C10orf67: variants seen among roughly 807,000 people sequenced by gnomAD.
C10orf67 encodes the protein uncharacterized protein C10orf67, mitochondrial.
Under a neutral mutation model 35.6 loss-of-function variants are expected in C10orf67, and 60 were observed. The observed-to-expected ratio is 1.68, with a 90% CI of 1.37 to 2.09. The LOEUF is 2.09. Among genes scored for constraint, C10orf67 ranks in the 30% most tolerant of loss-of-function variants. The pLI, the probability that C10orf67 is intolerant of heterozygous loss-of-function variation, is 0.00. For missense variants in C10orf67, 474 were observed against 330.2 expected, an observed-to-expected ratio of 1.44 and a Z score of -3.38; for synonymous variants, 167 against 115.8, an observed-to-expected ratio of 1.44 and a Z score of -2.84.
intron 15 of C10orf67, among the ~76,000 whole-genome samples, chr10:23,213,440 A>G (rs1208203504): frequency 6.6e-6 from 1 of 152,220 alleles, no homozygotes; most frequent in East Asian, 1.9e-4. Flanking sequence ...ACTACAAATT[A>G]TTGGAAAATT....
intron 4 of C10orf67, among the ~76,000 whole-genome samples, chr10:23,314,483 AACACACACAC>A (rs56043614): frequency 3.0e-3 from 412 of 135,834 alleles, no homozygotes; most frequent in Middle Eastern, 0.011. Context: ...ATTAAGTTAA[AACACACACAC>A]ACACACACAC....
rs768568316 is a variant in C10orf67, at chr10:23,276,331, G to A, written c.975+5682C>T. 2.0e-5 allele frequency among the ~76,000 whole-genome samples: 3 copies of A among 152,268 alleles called. No homozygotes were observed. In the East Asian group the frequency reaches 5.8e-4, roughly 29 times the overall value. On this transcript the variant is annotated intron_variant, in intron 8 of 15. Transcript: ENST00000636213. ...AATGGCTCAGGGGGGGATAAAGGGA[G>A]CCTCTTGAAGACCTGCAGGACTCCT...
chr10:23,224,376 G>A (rs968159075), intron 13 of C10orf67, among the ~76,000 whole-genome samples: 4 of 152,152 alleles, frequency 2.6e-5, no homozygotes, highest in Middle Eastern at 3.2e-3. Flanking sequence ...AACCCCATCT[G>A]TACATCACCA....
intron 1 of C10orf67, 90 bp downstream of exon 1, chr10:23,344,479 C>G: frequency 8.1e-7 from 1 of 1,234,072 alleles, no homozygotes; most frequent in Non-Finnish European, 1.1e-6. Context: ...CAGAGGAAAG[C>G]TGCACCCCCG....
At chr10:23,263,395 A>AT (rs200996639) in intron 10 of C10orf67, among the ~76,000 whole-genome samples, 8 of 151,732 alleles carry the variant, frequency 5.3e-5, no homozygotes, top group Non-Finnish European at 8.8e-5. Context: ...CATAATAACA[A>AT]TTTTTTTTTA....
At chr10:23,314,836 T>A (rs755631091) in intron 4 of C10orf67, among the ~76,000 whole-genome samples, 14 of 152,230 alleles carry the variant, frequency 9.2e-5, no homozygotes, top group Admixed American at 7.2e-4. Flanking sequence ...ACTACCCTTT[T>A]ATGTAACATA....
intron 13 of C10orf67, among the ~76,000 whole-genome samples, chr10:23,229,588 T>TA (rs1564462897): frequency 2.0e-5 from 3 of 151,916 alleles, no homozygotes; most frequent in Admixed American, 6.6e-5. Flanking sequence ...ATAATAATAA[T>TA]AAAAAAAGTT....
intron 4 of C10orf67, among the ~76,000 whole-genome samples, chr10:23,313,606 C>A (rs1261264745): frequency 6.6e-6 from 1 of 152,142 alleles, no homozygotes; most frequent in Non-Finnish European, 1.5e-5. Flanking sequence ...AAATGTGATA[C>A]AATTCACTGT....
At chr10:23,227,895 C>T (rs1479409060) in intron 13 of C10orf67, among the ~76,000 whole-genome samples, 1 of 152,060 alleles carries the variant, frequency 6.6e-6, no homozygotes, top group Non-Finnish European at 1.5e-5. Flanking sequence ...TGTGAAGGAC[C>T]TCTTCAAGGA....
At chr10:23,302,534 G>T (rs946686379) in intron 5 of C10orf67, among the ~76,000 whole-genome samples, 12 of 152,142 alleles carry the variant, frequency 7.9e-5, no homozygotes, top group Admixed American at 5.2e-4. Flanking sequence ...TATTCCTCCT[G>T]GGTCCCAGCA....
chr10:23,206,178 A>G lies in C10orf67; in HGVS notation c.1571-1923T>C, dbSNP rs561542354. ...AGCTCTTTACTAAACCGTGTAACCA[A>G]ATCAAACCAATGGTTACCCCTTTTC... is the stretch of plus-strand genomic sequence containing the variant. On this transcript the variant is annotated intron_variant, in intron 15 of 15. Coordinates refer to ENST00000636213, the MANE Select transcript of C10orf67 (RefSeq NM_001371909.1). Among the ~76,000 whole-genome samples the G allele has an allele frequency of 3.9e-5, 6 of 152,306 alleles. No individual in the cohort carries two copies. In the South Asian group the frequency reaches 6.2e-4, roughly 16 times the overall value.
At chr10:23,291,435 T>G (rs896906806) in intron 5 of C10orf67, among the ~76,000 whole-genome samples, 156 bp from the exon 6 acceptor site, 1 of 152,208 alleles carries the variant, frequency 6.6e-6, no homozygotes, top group African/African-American at 2.4e-5. Flanking sequence ...TAAATAGAGC[T>G]TGCTGGAAGA....
intron 13 of C10orf67, among the ~76,000 whole-genome samples, chr10:23,228,762 A>T (rs1311201966): frequency 1.3e-5 from 2 of 152,204 alleles, no homozygotes; most frequent in African/African-American, 4.8e-5. Context: ...ACCCCATCAA[A>T]AAGTGGGTGA....
chr10:23,245,974 G>A (rs1222759901), intron 12 of C10orf67, among the ~76,000 whole-genome samples: 2 of 145,422 alleles, frequency 1.4e-5, no homozygotes, highest in African/African-American at 5.1e-5. Flanking sequence ...ATGGTAAACT[G>A]GATAAAAAAA....
At chr10:23,266,235 G>C (rs1842880692) in intron 10 of C10orf67, 27 bp downstream of exon 10, 2 of 398,460 alleles carry the variant, frequency 5.0e-6, no homozygotes, top group Admixed American at 4.4e-5. Context: ...AAGGTGGACA[G>C]GGTGTGGTCA....
intron 10 of C10orf67, among the ~76,000 whole-genome samples, chr10:23,260,756 A>T (rs1221693399): frequency 1.3e-5 from 2 of 151,862 alleles, no homozygotes; most frequent in African/African-American, 2.4e-5. Flanking sequence ...CTTCTTATTG[A>T]CCTCTTATCA....
rs1360156612 is a variant in C10orf67, at chr10:23,252,711, T to C, written c.1201-2020A>G. Among the ~76,000 whole-genome samples the C allele has an allele frequency of 2.0e-5, 3 of 152,310 alleles. No individual in the cohort carries two copies. In the East Asian group the frequency reaches 5.8e-4, roughly 29 times the overall value. On this transcript the variant is annotated intron_variant, in intron 10 of 15. Transcript: ENST00000636213. ...GAACAAACAATAAGAATAGGAACAA[T>C]TTTGTGTGCTAGCCTTTTTTTGTTT...
chr10:23,280,079 T>C (rs973182577), intron 8 of C10orf67, among the ~76,000 whole-genome samples: 4 of 152,116 alleles, frequency 2.6e-5, no homozygotes, highest in African/African-American at 9.7e-5. Flanking sequence ...GGTCTCGAAC[T>C]CCTGGGCTCA....
Position 23,223,796 on chromosome 10 carries a change from T to C in C10orf67, c.1457A>G (p.Gln486Arg). 1.4e-6 allele frequency: 1 copy of C among 715,368 alleles called. No individual in the cohort carries two copies. Among genetic ancestry groups the C allele is most frequent in the East Asian group, 2.7e-5 (1 of 37,264 alleles). The allele number at this position is 715,368 out of a possible 1,614,324, so 44.3% of individuals were successfully genotyped here. A position where few individuals can be genotyped will look rare whatever the true frequency, so the allele number is the denominator to read the frequency against. ...NYIKVKPLLV[Q>R]SRTTMTAISS... ...TATAGCTGTCATGGTCGTTCTAGAC[T>C]GCACTAATAAGGGTTTTACTTTCTG... Residue 486 changes from glutamine (Q) to arginine (R), a missense_variant, in exon 14 of 16, where the codon CAG (glutamine) becomes CGG (arginine). Gln to Arg is a conservative substitution (Grantham distance 43). Coordinates refer to ENST00000636213, the MANE Select transcript of C10orf67 (RefSeq NM_001371909.1).
Sources: allele counts gnomAD v4.1 joint callset (sites outside exome capture counted in the v4.1 genomes callset), GRCh38; gene constraint gnomAD v4.1.1; transcripts MANE v1.5; gene names NCBI Gene and HGNC (gene_info 2026-07-23, HGNC 2026-07-21).